BPTF: variants seen among roughly 807,000 people sequenced by gnomAD.
BPTF encodes bromodomain PHD finger transcription factor, also known as nucleosome-remodeling factor subunit BPTF.
BPTF carries 18 observed loss-of-function variants against 292.5 expected under a neutral mutation model. The observed-to-expected ratio is 0.06, with a 90% CI of 0.04 to 0.09. The LOEUF (loss-of-function observed/expected upper bound fraction) is 0.09. BPTF is among the 10% of genes least tolerant of loss of function. BPTF has a pLI of 1.00. For synonymous variants in BPTF, 1,225 were observed against 1,251.9 expected, an observed-to-expected ratio of 0.98 and a Z score of 0.45; for missense variants, 2,726 against 3,498.7, an observed-to-expected ratio of 0.78 and a Z score of 5.57.
chr17:67,890,375 G>C (rs947188512), intron 4 of BPTF, among the ~76,000 whole-genome samples: 8 of 152,138 alleles, frequency 5.3e-5, no homozygotes, highest in Non-Finnish European at 1.0e-4. Flanking sequence ...ATTGTTTGCT[G>C]TTATCAACGG....
Position 67,912,546 on chromosome 17 carries a change from A to T in BPTF, c.4662A>T (p.Glu1554Asp), listed in dbSNP as rs1171007555. 6.2e-7 allele frequency: 1 copy of T among 1,614,036 alleles called. No homozygotes were observed. Among genetic ancestry groups the T allele is most frequent in the East Asian group, 2.2e-5 (1 of 44,888 alleles). ...VTSSPITSEEESNLSNDFIDE... is the reference protein window; with the variant it reads ...VTSSPITSEEDSNLSNDFIDE... Reference sequence around the variant, plus strand: ...CATCACCTATTACTTCTGAAGAGGAATCTAATCTCAGTAATGACTTTATTG... The same window carrying T: ...CATCACCTATTACTTCTGAAGAGGATTCTAATCTCAGTAATGACTTTATTG... Residue 1554 changes from glutamate (E) to aspartate (D), a missense_variant, in exon 11 of 28, where the codon GAA becomes GAT. Physicochemically the swap from Glu to Asp is conservative, Grantham distance 45. Coordinates refer to ENST00000306378, the MANE Select transcript of BPTF (RefSeq NM_182641.4).
chr17:67,934,195 A>G (rs951438425), intron 18 of BPTF, among the ~76,000 whole-genome samples: 1 of 152,132 alleles, frequency 6.6e-6, no homozygotes, highest in Non-Finnish European at 1.5e-5. Flanking sequence ...TTAAAATACT[A>G]TATTATGCTG....
chr17:67,951,805 C>T (rs1555678591), intron 23 of BPTF: 1 of 152,084 alleles, frequency 6.6e-6, no homozygotes, highest in Non-Finnish European at 1.5e-5. Context: ...CCTGTAATCC[C>T]AGCACCTTGG....
chr17:67,832,963 AT>A (rs113039026), intron 1 of BPTF, among the ~76,000 whole-genome samples: 9,823 of 124,662 alleles, frequency 0.079, 1,013 homozygotes, highest in African/African-American at 0.25. Flanking sequence ...AATTTTTTGT[AT>A]TTTTTTTTTT....
intron 18 of BPTF, among the ~76,000 whole-genome samples, chr17:67,939,648 C>T (rs528205552): frequency 1.3e-5 from 2 of 152,280 alleles, no homozygotes; most frequent in African/African-American, 2.4e-5. Context: ...GAGGCCAAGG[C>T]GGGTGGATCA....
chr17:67,952,622 C>G (rs1285394984), intron 23 of BPTF, among the ~76,000 whole-genome samples: 1 of 152,158 alleles, frequency 6.6e-6, no homozygotes, highest in Non-Finnish European at 1.5e-5. Context: ...CATATTATTC[C>G]TCCCCCACCC....
intron 1 of BPTF, among the ~76,000 whole-genome samples, chr17:67,831,353 A>G (rs906540229): frequency 2.6e-5 from 4 of 152,216 alleles, no homozygotes; most frequent in Non-Finnish European, 5.9e-5. Context: ...TCAGCACCTC[A>G]AGAGGTTAAA....
intron 4 of BPTF, chr17:67,875,518 A>G: frequency 7.0e-7 from 1 of 1,419,880 alleles, no homozygotes; most frequent in South Asian, 1.8e-5. Context: ...GCAATTTTAA[A>G]GAATATCTTT....
At position 67,911,721 on chromosome 17, in the gene BPTF, G is replaced by A. The variant is rs371227123; in HGVS notation, c.3837G>A (p.Leu1279=). Residue 1279 remains leucine (L), a synonymous_variant, in exon 11 of 28, where the codon CTG becomes CTA. Transcript: ENST00000306378. ...GAGCAATGGACTTTGAAGGAAAACT[G>A]GGATGTGACTCTGAATCTAATAGCA... ...LSRAMDFEGK[L]GCDSESNSTL... is the part of the protein sequence containing the mutation. 1.9e-6 allele frequency: 3 copies of A among 1,614,006 alleles called. No homozygotes were observed. The African/African-American group carries it at 4.0e-5, about 22-fold the overall frequency.
At chr17:67,965,685 GTGT>G in intron 25 of BPTF, 1 of 152,244 alleles carries the variant, frequency 6.6e-6, no homozygotes, top group Non-Finnish European at 1.5e-5. Flanking sequence ...CCAGGTGACA[GTGT>G]GAGACTCCAT....
At chr17:67,859,973 CA>C (rs1358332801) in intron 2 of BPTF, among the ~76,000 whole-genome samples, 1 of 152,030 alleles carries the variant, frequency 6.6e-6, no homozygotes, top group East Asian at 1.9e-4. Context: ...TCGAGGAAAT[CA>C]AATATTTTAT....
chr17:67,963,036 C>T (rs2067669343), intron 24 of BPTF, among the ~76,000 whole-genome samples: 1 of 152,182 alleles, frequency 6.6e-6, no homozygotes, highest in African/African-American at 2.4e-5. Context: ...CAGAGGAAGA[C>T]ATTACCATCA....
At chr17:67,893,792 T>C in intron 6 of BPTF, 67 bp downstream of exon 6, 1 of 1,368,616 alleles carries the variant, frequency 7.3e-7, no homozygotes, top group Non-Finnish European at 1.0e-6. Context: ...ATTGTTGTAG[T>C]TGTGCATTTG....
intron 2 of BPTF, among the ~76,000 whole-genome samples, chr17:67,857,395 T>A (rs2058761721): frequency 1.3e-5 from 2 of 151,628 alleles, no homozygotes; most frequent in Non-Finnish European, 2.9e-5. Context: ...CTCCTGACCT[T>A]GTGATCTGTC....
At chr17:67,944,595 A>C in intron 20 of BPTF, 2 of 576,330 alleles carry the variant, frequency 3.5e-6, no homozygotes, top group Non-Finnish European at 6.1e-6. Flanking sequence ...AAAAAGAGAG[A>C]GAGAGAAAGG....
chr17:67,831,952 C>T (rs2056720525), intron 1 of BPTF, among the ~76,000 whole-genome samples: 2 of 152,132 alleles, frequency 1.3e-5, no homozygotes, highest in African/African-American at 4.8e-5. Context: ...AGTGCAGTGG[C>T]ATAATCTCGG....
intron 20 of BPTF, 97 bp from the exon 21 acceptor site, chr17:67,945,312 C>A: frequency 6.6e-7 from 1 of 1,524,098 alleles, no homozygotes; most frequent in South Asian, 1.3e-5. Flanking sequence ...CACGCCTGGC[C>A]AGAATTCTCA....
chr17:67,909,663 C>A lies in BPTF; in HGVS notation c.2894C>A (p.Pro965His). 2 of 1,603,224 alleles carry A rather than the reference C, an allele frequency of 1.2e-6. No homozygotes were observed. Among genetic ancestry groups the A allele is most frequent in the Non-Finnish European group, 8.5e-7 (1 of 1,176,110 alleles). ...SRSPKKIKIE[P>H]DSEKDEVKGS... ...AGTCCAAAAAAAATAAAAATAGAGC[C>A]TGATTCTGAAAAAGATGAGGTAAAA... Residue 965 changes from proline (P) to histidine (H), a missense_variant, in exon 10 of 28, where the codon CCT becomes CAT. By Grantham distance (77) the Pro-to-His change is moderately conservative (BLOSUM62 -2). Coordinates refer to ENST00000306378, the MANE Select transcript of BPTF (RefSeq NM_182641.4).
chr17:67,896,697 T>G (rs2061477154), intron 7 of BPTF, among the ~76,000 whole-genome samples: 2 of 152,202 alleles, frequency 1.3e-5, no homozygotes, highest in Admixed American at 1.3e-4. Flanking sequence ...AATACACTTC[T>G]AAATAAATAA....
Sources: gnomAD v4.1 joint callset for allele counts (sites outside exome capture counted in the v4.1 genomes callset) on GRCh38, gnomAD v4.1.1 for gene constraint, MANE v1.5 for transcripts, NCBI Gene and HGNC (gene_info 2026-07-23, HGNC 2026-07-21) for gene names.